FHIT: variants seen among roughly 807,000 people sequenced by gnomAD.
The protein encoded by FHIT is bis(5'-adenosyl)-triphosphatase.
FHIT carries 19 observed loss-of-function variants against 17.9 expected under a neutral mutation model. The ratio of observed to expected loss-of-function variants is 1.06; its 90% CI spans 0.74 to 1.56. The LOEUF is 1.56. Among genes scored for constraint, FHIT ranks in the 40% most tolerant of loss-of-function variants. The pLI is 0.00. For missense variants in FHIT, 248 were observed against 189.2 expected, an observed-to-expected ratio of 1.31 and a Z score of -1.82; for synonymous variants, 81 against 69.7, an observed-to-expected ratio of 1.16 and a Z score of -0.81.
intron 8 of FHIT, among the ~76,000 whole-genome samples, chr3:59,755,658 G>A (rs1701177168): frequency 6.6e-6 from 1 of 152,166 alleles, no homozygotes; most frequent in African/African-American, 2.4e-5. Context: ...ACCTAGCACT[G>A]GAACACTGAA....
At chr3:60,692,395 G>A (rs961787863) in intron 4 of FHIT, among the ~76,000 whole-genome samples, 3 of 152,160 alleles carry the variant, frequency 2.0e-5, no homozygotes, top group Non-Finnish European at 4.4e-5. Flanking sequence ...TTTGCTAATC[G>A]TCTGACCTTA....
intron 3 of FHIT, among the ~76,000 whole-genome samples, chr3:60,979,500 T>C (rs1710399772): frequency 1.3e-5 from 2 of 151,938 alleles, no homozygotes; most frequent in South Asian, 2.1e-4. Flanking sequence ...TAGAAGAAAA[T>C]TGTGAAGTAG....
intron 4 of FHIT, among the ~76,000 whole-genome samples, chr3:60,787,004 G>GAAAAAAA (rs11445450): frequency 7.4e-6 from 1 of 135,832 alleles, no homozygotes; most frequent in African/African-American, 2.7e-5. Flanking sequence ...AAGACAAAAA[G>GAAAAAAA]AAAAAAAAAA....
At chr3:60,206,866 C>G (rs1032653552) in intron 5 of FHIT, among the ~76,000 whole-genome samples, 1 of 151,958 alleles carries the variant, frequency 6.6e-6, no homozygotes, top group Non-Finnish European at 1.5e-5. Context: ...CTTTTTAGTT[C>G]GCTCCAGTTG....
At chr3:59,921,798 T>C (rs1705417196) in intron 8 of FHIT, among the ~76,000 whole-genome samples, 1 of 152,176 alleles carries the variant, frequency 6.6e-6, no homozygotes, top group Non-Finnish European at 1.5e-5. Context: ...TTCACACTTG[T>C]ATCTTTGAAT....
chr3:59,908,852 A>ATTTTTTTTTTTTT (rs1559720360), intron 8 of FHIT, among the ~76,000 whole-genome samples: 6 of 24,280 alleles, frequency 2.5e-4, no homozygotes, highest in East Asian at 8.1e-4. Flanking sequence ...TCATTTTTTA[A>ATTTTTTTTTTTTT]TAGTCCAACT....
rs577203626 is a variant in FHIT at position 59,920,760 on chromosome 3, T to A, written c.348+1586A>T. Among the ~76,000 whole-genome samples the A allele has an allele frequency of 1.5e-3, 231 of 152,344 alleles. 1 individual carries two copies. Among genetic ancestry groups the A allele is most frequent in the Middle Eastern group, 3.4e-3 (1 of 294 alleles). On this transcript the variant is annotated intron_variant, in intron 8 of 9. Transcript: ENST00000492590. The stretch of plus-strand genomic sequence containing the variant: ...GATTGGTATTTGTATTTTAATTACA[T>A]CTCTTTATAATTACTCTATAATTCT...
chr3:61,154,227 G>C (rs115648582), intron 2 of FHIT, among the ~76,000 whole-genome samples: 5 of 152,292 alleles, frequency 3.3e-5, no homozygotes, highest in African/African-American at 4.8e-5. Flanking sequence ...ACTTGGCTCA[G>C]GGAAACCTCC....
intron 4 of FHIT, among the ~76,000 whole-genome samples, chr3:60,698,806 A>G (rs2041172795): frequency 6.6e-6 from 1 of 152,136 alleles, no homozygotes; most frequent in African/African-American, 2.4e-5. Flanking sequence ...TTTTGGACAA[A>G]CTTTCATGTA....
At chr3:59,891,044 G>T (rs543452626) in intron 8 of FHIT, among the ~76,000 whole-genome samples, 1 of 152,114 alleles carries the variant, frequency 6.6e-6, no homozygotes, top group African/African-American at 2.4e-5. Context: ...TTTATGCAAC[G>T]TAAGGTCAGA....
intron 4 of FHIT, among the ~76,000 whole-genome samples, chr3:60,570,225 T>C (rs1411840403): frequency 6.6e-6 from 1 of 152,090 alleles, no homozygotes; most frequent in Non-Finnish European, 1.5e-5. Flanking sequence ...AAAGAGGAGA[T>C]GTTCAGCAGA....
At position 60,304,185 on chromosome 3, in the gene FHIT, G is replaced by A. The variant is rs150347937; in HGVS notation, c.103+232675C>T. ...CAAAATGAAACATTACAATTTCTGT[G>A]GCTCTTTTAAATGCCTGTGAACACA... On this transcript the variant is annotated intron_variant, in intron 5 of 9. Transcript: ENST00000492590. Among the ~76,000 whole-genome samples the A allele has an allele frequency of 4.3e-3, 651 of 151,708 alleles. 2 individuals carry two copies. The highest frequency in any genetic ancestry group is 0.015 in the African/African-American group (617 of 41,400).
At chr3:60,061,534 G>C (rs770979677) in intron 5 of FHIT, among the ~76,000 whole-genome samples, 1 of 152,032 alleles carries the variant, frequency 6.6e-6, no homozygotes. Context: ...TTTGCATTTC[G>C]ATTCCCTGTT....
intron 4 of FHIT, among the ~76,000 whole-genome samples, chr3:60,553,553 AG>A (rs1487778248): frequency 4.0e-5 from 6 of 148,534 alleles, no homozygotes; most frequent in Non-Finnish European, 8.9e-5. Flanking sequence ...AGAGAGAGAG[AG>A]AGAGAGGCTC....
At chr3:60,991,111 G>A (rs534150914) in intron 3 of FHIT, among the ~76,000 whole-genome samples, 13 of 152,256 alleles carry the variant, frequency 8.5e-5, no homozygotes, top group African/African-American at 1.7e-4. Context: ...GTGGAGGGGC[G>A]GTCAGAGAGG....
At chr3:60,134,567 A>T (rs1409923352) in intron 5 of FHIT, among the ~76,000 whole-genome samples, 1 of 152,190 alleles carries the variant, frequency 6.6e-6, no homozygotes, top group African/African-American at 2.4e-5. Context: ...TCATGAACAC[A>T]CATGCTCATA....
chr3:60,051,414 C>A (rs189913285), intron 5 of FHIT, among the ~76,000 whole-genome samples: 11 of 147,994 alleles, frequency 7.4e-5, no homozygotes, highest in Non-Finnish European at 1.5e-4. Context: ...AAGGTGAACA[C>A]CTAGACATAA....
chr3:60,104,464 AAG>A (rs1292602487), intron 5 of FHIT, among the ~76,000 whole-genome samples: 2 of 142,640 alleles, frequency 1.4e-5, no homozygotes, highest in East Asian at 2.1e-4. Context: ...AAAAGTCTTG[AAG>A]AGAGAGTGAA....
At chr3:60,303,434 C>T (rs949080843) in intron 5 of FHIT, among the ~76,000 whole-genome samples, 2 of 152,100 alleles carry the variant, frequency 1.3e-5, no homozygotes, top group Admixed American at 6.6e-5. Flanking sequence ...AGGAGAGTAA[C>T]ACAGTCTATC....
Sources: gnomAD v4.1 joint callset for allele counts (sites outside exome capture counted in the v4.1 genomes callset) on GRCh38, gnomAD v4.1.1 for gene constraint, MANE v1.5 for transcripts, NCBI Gene and HGNC (gene_info 2026-07-23, HGNC 2026-07-21) for gene names.